CNOT6: variants seen among roughly 807,000 people sequenced by gnomAD.
CNOT6 encodes the protein CCR4-NOT transcription complex subunit 6.
In CNOT6, 12 loss-of-function variants were observed where a neutral mutation model predicts 61.2. That is an observed-to-expected ratio of 0.20 (90% confidence interval 0.13 to 0.32). CNOT6 has a LOEUF of 0.32. CNOT6 is among the 10% of genes least tolerant of loss of function. The pLI is 1.00. For synonymous variants in CNOT6, 225 were observed against 240.6 expected (o/e 0.94, Z 0.60); for missense variants, 405 against 663.9 (o/e 0.61, Z 4.28).
chr5:180,573,866 G>A, intron 11 of CNOT6, 122 bp from the exon 12 acceptor site: 1 of 689,678 alleles, frequency 1.4e-6, no homozygotes, highest in South Asian at 1.8e-5. Context: ...CATCCTACAA[G>A]CTAGTAAGTT....
chr5:180,550,736 G>A (rs1759554267), intron 3 of CNOT6, among the ~76,000 whole-genome samples: 1 of 152,144 alleles, frequency 6.6e-6, no homozygotes, highest in Non-Finnish European at 1.5e-5. Context: ...GACAAACAGG[G>A]CACCATACCA....
At chr5:180,558,521 A>AAAG (rs1561660188) in intron 4 of CNOT6, among the ~76,000 whole-genome samples, 1 of 145,936 alleles carries the variant, frequency 6.9e-6, no homozygotes, top group Non-Finnish European at 1.5e-5. Flanking sequence ...AAAAAAAAAA[A>AAAG]CAAAAAACCT....
chr5:180,561,138 A>T (rs547212724), intron 4 of CNOT6, among the ~76,000 whole-genome samples: 4 of 152,232 alleles, frequency 2.6e-5, no homozygotes, highest in African/African-American at 9.6e-5. Context: ...TTGTTTGTAG[A>T]GACGAGATTT....
Position 180,564,375 on chromosome 5 carries a change from T to C in CNOT6, c.386-114T>C, listed in dbSNP as rs1760344384. 6 of 595,928 alleles carry C rather than the reference T, an allele frequency of 1.0e-5. No homozygotes were observed. The East Asian group carries it at 1.8e-4, about 18-fold the overall frequency. The allele number at this position is 595,928 out of a possible 1,614,324, so 36.9% of individuals were successfully genotyped here. The stretch of plus-strand genomic sequence containing the variant: ...AAACAATATTTTCTATAGTCTGACA[T>C]CTTACTAGTAACTATAACATAGTTA... On this transcript the variant is annotated intron_variant, in intron 4 of 11. Coordinates refer to ENST00000261951, the MANE Select transcript of CNOT6 (RefSeq NM_001370472.1).
Position 180,496,968 on chromosome 5 carries a change from C to T in CNOT6, c.-3+2205C>T, listed in dbSNP as rs545839942. On this transcript the variant is annotated intron_variant, in intron 1 of 11. Transcript: ENST00000261951. The stretch of plus-strand genomic sequence containing the variant: ...GCAGACATAAGGTTGGTTTATAGAA[C>T]TTGGTCCTAACTACAAATGTGTAAA... 6.6e-5 allele frequency among the ~76,000 whole-genome samples: 10 copies of T among 152,320 alleles called. No individual in the cohort carries two copies. In the South Asian group the frequency reaches 2.1e-3, roughly 32 times the overall value.
At chr5:180,509,923 A>G (rs1757305841) in intron 1 of CNOT6, among the ~76,000 whole-genome samples, 1 of 150,070 alleles carries the variant, frequency 6.7e-6, no homozygotes, top group Non-Finnish European at 1.5e-5. Flanking sequence ...GGGTTCTGAT[A>G]CCAAGATACC....
Position 180,526,617 on chromosome 5 carries a change from C to A in CNOT6, c.-2-2658C>A, listed in dbSNP as rs576109483. 4.3e-4 allele frequency among the ~76,000 whole-genome samples: 66 copies of A among 152,270 alleles called. 1 individual carries two copies. The South Asian group carries it at 0.013, about 31-fold the overall frequency. ...TACAGTATTATTTCTGGGCAGTATA[C>A]AGAGTCTGAGGAATGATTGCTGACT... On this transcript the variant is annotated intron_variant, in intron 1 of 11. Transcript: ENST00000261951.
intron 1 of CNOT6, among the ~76,000 whole-genome samples, chr5:180,521,557 T>C (rs1368967925): frequency 2.6e-5 from 4 of 152,352 alleles, no homozygotes; most frequent in South Asian, 4.1e-4. Flanking sequence ...AATTACTTTT[T>C]TAAAATAGTT....
chr5:180,550,247 C>G (rs376216524), intron 3 of CNOT6, 130 bp downstream of exon 3: 3 of 621,122 alleles, frequency 4.8e-6, no homozygotes, highest in Non-Finnish European at 2.7e-6. Context: ...GTCAGGAGAT[C>G]GAGACCATTC....
At chr5:180,517,689 G>A (rs533989079) in intron 1 of CNOT6, among the ~76,000 whole-genome samples, 2 of 152,144 alleles carry the variant, frequency 1.3e-5, no homozygotes, top group Admixed American at 1.3e-4. Context: ...GACTACAGAC[G>A]CCTGCCACAA....
At chr5:180,526,290 C>T (rs898444050) in intron 1 of CNOT6, among the ~76,000 whole-genome samples, 30 of 152,082 alleles carry the variant, frequency 2.0e-4, no homozygotes, top group Non-Finnish European at 2.1e-4. Context: ...GAAAGAATAG[C>T]ACATATATGT....
At chr5:180,503,376 G>A (rs1426331986) in intron 1 of CNOT6, among the ~76,000 whole-genome samples, 4 of 151,180 alleles carry the variant, frequency 2.6e-5, no homozygotes, top group Non-Finnish European at 5.9e-5. Context: ...CGATTCTCCA[G>A]CCTCAGCTTC....
intron 2 of CNOT6, among the ~76,000 whole-genome samples, chr5:180,530,190 C>A (rs1438089203): frequency 6.6e-6 from 1 of 152,198 alleles, no homozygotes; most frequent in African/African-American, 2.4e-5. Context: ...TCGTCTTTCA[C>A]CTGACCGCCC....
chr5:180,533,452 G>A (rs1758507608), intron 2 of CNOT6, among the ~76,000 whole-genome samples: 1 of 151,688 alleles, frequency 6.6e-6, no homozygotes. Context: ...TGTTGCCCAG[G>A]CTGGAATGCA....
At chr5:180,516,930 G>A (rs976709393) in intron 1 of CNOT6, among the ~76,000 whole-genome samples, 7 of 152,096 alleles carry the variant, frequency 4.6e-5, no homozygotes, top group Admixed American at 2.0e-4. Flanking sequence ...CATTACTGAC[G>A]TGTGTTTCAT....
intron 2 of CNOT6, among the ~76,000 whole-genome samples, chr5:180,545,748 T>C (rs190375492): frequency 2.3e-4 from 35 of 152,322 alleles, no homozygotes; most frequent in Non-Finnish European, 1.5e-5. Flanking sequence ...TAAGTGTATG[T>C]TTAACTTTTT....
In CNOT6 at chr5:180,577,075, T is replaced by A. The variant is rs1198748829; in HGVS notation, c.*2875T>A. 1.3e-5 allele frequency: 2 copies of A among 152,516 alleles called. No individual in the cohort carries two copies. The highest frequency in any genetic ancestry group is 2.9e-5 in the Non-Finnish European group (2 of 68,040). The allele number at this position is 152,516 out of a possible 1,614,324, so 9.4% of individuals were successfully genotyped here. On this transcript the variant is annotated 3_prime_UTR_variant, in exon 12 of 12. Coordinates refer to ENST00000261951, the MANE Select transcript of CNOT6 (RefSeq NM_001370472.1). ...TTCAATATTGTTCGTCAAGTTAACT[T>A]ATGGCATAATTTAAGCTAAAGTTGT...
intron 9 of CNOT6, among the ~76,000 whole-genome samples, chr5:180,568,683 C>G (rs750745144): frequency 6.6e-6 from 1 of 152,142 alleles, no homozygotes; most frequent in Admixed American, 6.5e-5. Flanking sequence ...GGAGCCGAAA[C>G]TTGTGTCACT....
At chr5:180,509,235 C>T (rs539135501) in intron 1 of CNOT6, among the ~76,000 whole-genome samples, 5 of 152,156 alleles carry the variant, frequency 3.3e-5, no homozygotes, top group East Asian at 3.9e-4. Flanking sequence ...GGGCTCAAGC[C>T]GTCCTCCCGC....
Sources: allele counts gnomAD v4.1 joint callset (sites outside exome capture counted in the v4.1 genomes callset), GRCh38; gene constraint gnomAD v4.1.1; transcripts MANE v1.5; gene names NCBI Gene and HGNC (gene_info 2026-07-23, HGNC 2026-07-21).